The following CCDC61 variants were observed in gnomAD, a reference collection of about 807,000 sequenced individuals.
The protein encoded by CCDC61 is centrosomal protein CCDC61.
Under a neutral mutation model 63.0 loss-of-function variants are expected in CCDC61, and 55 were observed. The ratio of observed to expected loss-of-function variants is 0.87; its 90% CI spans 0.70 to 1.09. The LOEUF is 1.09. Ranked by LOEUF, CCDC61 falls within the 50% of genes least tolerant of loss-of-function variation. The pLI, the probability that CCDC61 is intolerant of heterozygous loss-of-function variation, is 0.00. For missense variants in CCDC61, 651 were observed against 731.4 expected (o/e 0.89, Z 1.27); for synonymous variants, 270 against 317.0 (o/e 0.85, Z 1.58).
intron 1 of CCDC61, among the ~76,000 whole-genome samples, chr19:45,997,614 C>T (rs1968518058): frequency 1.3e-5 from 2 of 152,114 alleles, no homozygotes; most frequent in African/African-American, 4.8e-5. Flanking sequence ...TGGTCTCAAA[C>T]TCCTGACCTC....
rs1290059928 is a variant in CCDC61, at chr19:46,015,394, C to G, written c.812C>G (p.Thr271Arg). 11 of 1,602,792 alleles carry G rather than the reference C, an allele frequency of 6.9e-6. No homozygotes were observed. The highest frequency in any genetic ancestry group is 9.3e-6 in the Non-Finnish European group (11 of 1,178,838). The change falls in exon 7 of 14, where the codon ACG (threonine) becomes AGG (arginine). Residue 271 changes from threonine (T) to arginine (R), a missense_variant. Thr to Arg is a moderately conservative substitution (Grantham distance 71). Transcript: ENST00000595358. This position sits in a 1 kb window ranked among gnomAD's most constrained non-coding sequence, Gnocchi z 5.3. ...CGGAGCCTGCGCGCCCGGCTGAAGACGCTGACCAGCGAGCTGGCATTGTAC... is the reference window on the plus strand; with the variant it reads ...CGGAGCCTGCGCGCCCGGCTGAAGAGGCTGACCAGCGAGCTGGCATTGTAC... ...SERSLRARLKTLTSELALYKR... is the reference protein window; with the variant it reads ...SERSLRARLKRLTSELALYKR...
chr19:46,009,837 T>TGCGC (rs1555810943), intron 5 of CCDC61, among the ~76,000 whole-genome samples: 7 of 151,348 alleles, frequency 4.6e-5, no homozygotes, highest in South Asian at 4.2e-4. Context: ...TGTGTGTGTG[T>TGCGC]GCGCGCGCGT....
chr19:46,003,173 G>A lies in CCDC61; in HGVS notation c.148+7G>A. 6.2e-7 allele frequency: 1 copy of A among 1,602,314 alleles called. No individual in the cohort carries two copies. Among genetic ancestry groups the A allele is most frequent in the Non-Finnish European group, 8.5e-7 (1 of 1,173,076 alleles). On this transcript the variant is annotated splice_region_variant and intron_variant, in intron 2 of 13. Transcript: ENST00000595358. Reference sequence around the variant, plus strand: ...GGCGAGTTCGATGCTGGCTGTGAGTGTGCCTGCCTGGGGTGGGCTCACCTT... The same window carrying A: ...GGCGAGTTCGATGCTGGCTGTGAGTATGCCTGCCTGGGGTGGGCTCACCTT...
intron 5 of CCDC61, among the ~76,000 whole-genome samples, chr19:46,011,124 G>C (rs142959479): frequency 1.3e-5 from 2 of 148,586 alleles, no homozygotes; most frequent in Non-Finnish European, 3.0e-5. Context: ...ATCTTGGCTC[G>C]CTGTGTCCTT....
chr19:46,004,127 A>T (rs959330952), intron 3 of CCDC61, among the ~76,000 whole-genome samples: 3 of 151,580 alleles, frequency 2.0e-5, no homozygotes, highest in Non-Finnish European at 4.4e-5. Context: ...TTTAGTAGAG[A>T]CGGGGTTTCA....
In CCDC61 at chr19:46,016,538, C is replaced by T; in HGVS notation, c.1091+145C>T. On this transcript the variant is annotated intron_variant, in intron 9 of 13. Coordinates refer to ENST00000595358, the MANE Select transcript of CCDC61 (RefSeq NM_001267723.2). The surrounding 1 kb of genome is among the most constrained non-coding windows in gnomAD (Gnocchi z 7.2). ...TACCCCGCCTGCTCTCCCTTCCGTCCGTCCTACCTCCTCGTCTGTGTTTCT... is the reference window on the plus strand; with the variant it reads ...TACCCCGCCTGCTCTCCCTTCCGTCTGTCCTACCTCCTCGTCTGTGTTTCT... 7.3e-7 allele frequency: 1 copy of T among 1,369,448 alleles called. No individual in the cohort carries two copies. The highest frequency in any genetic ancestry group is 1.0e-6 in the Non-Finnish European group (1 of 993,454). The allele number at this position is 1,369,448 out of a possible 1,614,324, so 84.8% of individuals were successfully genotyped here.
chr19:45,999,030 A>T (rs892947372), intron 1 of CCDC61, among the ~76,000 whole-genome samples: 19 of 152,178 alleles, frequency 1.2e-4, no homozygotes, highest in African/African-American at 4.3e-4. Context: ...TCATGGTGGG[A>T]TCCTAGACAA....
At chr19:46,017,203 C>T in intron 11 of CCDC61, 44 bp from the exon 12 acceptor site, 3 of 1,550,160 alleles carry the variant, frequency 1.9e-6, no homozygotes, top group Non-Finnish European at 2.6e-6. Flanking sequence ...TGGGAAGTAC[C>T]AGAGCCTCCC....
intron 5 of CCDC61, among the ~76,000 whole-genome samples, chr19:46,009,835 T>TGTGTGTGTGTGTGTGCGCGCGCGCGC (rs1568692953): frequency 6.6e-6 from 1 of 151,632 alleles, no homozygotes; most frequent in African/African-American, 2.4e-5. Flanking sequence ...TGTGTGTGTG[T>TGTGTGTGTGTGTGTGCGCGCGCGCGC]GTGCGCGCGC....
intron 5 of CCDC61, among the ~76,000 whole-genome samples, chr19:46,013,718 T>C (rs1457496512): frequency 6.6e-6 from 1 of 151,676 alleles, no homozygotes; most frequent in Non-Finnish European, 1.5e-5. Context: ...CATACAAAAA[T>C]TAGCCAGGGT....
intron 4 of CCDC61, among the ~76,000 whole-genome samples, chr19:46,007,783 A>G (rs570866030): frequency 7.5e-4 from 115 of 152,322 alleles, no homozygotes; most frequent in Non-Finnish European, 1.2e-3. Flanking sequence ...CACCCAGGCC[A>G]GGCCAACCAG....
At chr19:45,999,793 A>G (rs1968557394) in intron 1 of CCDC61, among the ~76,000 whole-genome samples, 1 of 152,090 alleles carries the variant, frequency 6.6e-6, no homozygotes, top group Admixed American at 6.6e-5. Context: ...TAAGTGTGCC[A>G]GCGCCATGAT....
At chr19:46,011,963 C>T (rs1047699079) in intron 5 of CCDC61, among the ~76,000 whole-genome samples, 1 of 152,120 alleles carries the variant, frequency 6.6e-6, no homozygotes, top group Non-Finnish European at 1.5e-5. Flanking sequence ...CCACCACACC[C>T]GGCTGATTTT....
In CCDC61 at chr19:46,006,660, G is replaced by A. The variant is rs765274527; in HGVS notation, c.333G>A (p.Ser111=). The change falls in exon 4 of 14, where the codon TCG becomes TCA. Residue 111 remains serine, a synonymous_variant. Transcript: ENST00000595358. The stretch of plus-strand genomic sequence containing the variant: ...GCCCAGGCTCCTTGGCCCCCAGGTC[G>A]GCCCAGCTCAACTCCAAGCGCTACC... ...GGRPGSLAPR[S]AQLNSKRYLI... is the part of the protein sequence containing the mutation. 57 of 1,613,742 alleles carry A rather than the reference G, an allele frequency of 3.5e-5. No individual in the cohort carries two copies. The East Asian group carries it at 8.2e-4, about 23-fold the overall frequency.
chr19:46,003,191 C>A, intron 2 of CCDC61, 25 bp downstream of exon 2: 1 of 1,585,186 alleles, frequency 6.3e-7, no homozygotes. Context: ...CTGGGGTGGG[C>A]TCACCTTTCC....
In CCDC61 at chr19:46,016,442, G is replaced by T; in HGVS notation, c.1091+49G>T. The T allele has an allele frequency of 6.3e-7, 1 of 1,591,942 alleles. No homozygotes were observed. Among genetic ancestry groups the T allele is most frequent in the South Asian group, 1.1e-5 (1 of 90,288 alleles). On this transcript the variant is annotated intron_variant, in intron 9 of 13. Transcript: ENST00000595358. This position sits in a 1 kb window ranked among gnomAD's most constrained non-coding sequence, Gnocchi z 7.2. ...CTGCCCCTGTCCCTGGCCCGTGCCCGCTCCCGGGCTCTCATCTCTCCACGC... is the reference window on the plus strand; with the variant it reads ...CTGCCCCTGTCCCTGGCCCGTGCCCTCTCCCGGGCTCTCATCTCTCCACGC...
Position 46,009,816 on chromosome 19 carries a change from A to ATGTGTGTGTGTGTGTG in CCDC61, c.551+1522_551+1537dup, listed in dbSNP as rs761965873. 7.3e-3 allele frequency among the ~76,000 whole-genome samples: 827 copies of ATGTGTGTGTGTGTGTG among 113,288 alleles called. 4 individuals are homozygous for ATGTGTGTGTGTGTGTG. The highest frequency in any genetic ancestry group is 0.013 in the Middle Eastern group (3 of 228). 74.3% of individuals were successfully genotyped at this position (113,288 alleles called of 152,430 possible). ...CTGCTCTCAGGCTGTGTGTGTGTGT[A>ATGTGTGTGTGTGTGTG]TGTGTGTGTGTGTGTGTGTGTGCGC... is the stretch of plus-strand genomic sequence containing the variant. On this transcript the variant is annotated intron_variant, in intron 5 of 13. Coordinates refer to ENST00000595358, the MANE Select transcript of CCDC61 (RefSeq NM_001267723.2).
In CCDC61 at chr19:46,015,626, T is replaced by C. The variant is rs1968917022; in HGVS notation, c.845+199T>C. Among the ~76,000 whole-genome samples the C allele has an allele frequency of 6.6e-6, 1 of 152,018 alleles. No homozygotes were observed. The highest frequency in any genetic ancestry group is 6.6e-5 in the Admixed American group (1 of 15,266). ...CAGTGGTTAGGAGGTGGACCCGGGC[T>C]GTGCGGAGATGCGCAGGCTTGGGGC... On this transcript the variant is annotated intron_variant, in intron 7 of 13. Transcript: ENST00000595358. This position sits in a 1 kb window ranked among gnomAD's most constrained non-coding sequence, Gnocchi z 5.3.
chr19:46,017,297 C>T lies in CCDC61; in HGVS notation c.1361C>T (p.Ser454Phe). The T allele has an allele frequency of 6.4e-7, 1 of 1,561,946 alleles. No homozygotes were observed. The highest frequency in any genetic ancestry group is 1.2e-5 in the South Asian group (1 of 84,678). The change falls in exon 12 of 14, where the codon TCC (serine) becomes TTC (phenylalanine). Residue 454 changes from serine (S) to phenylalanine (F), a missense_variant. By Grantham distance (155) the Ser-to-Phe change is radical. Transcript: ENST00000595358. ...CCCAGCCCAACGCCCTGGAGTGGGTCCAATATGGTGAGTAGAAGGGGCAAC... is the reference window on the plus strand; with the variant it reads ...CCCAGCCCAACGCCCTGGAGTGGGTTCAATATGGTGAGTAGAAGGGGCAAC... ...KPPSPTPWSG[S>F]NMKSPPVERS...
Sources: gnomAD v4.1 joint callset for allele counts (sites outside exome capture counted in the v4.1 genomes callset) on GRCh38, gnomAD v4.1.1 for gene constraint, Gnocchi (gnomAD v3.1) non-coding constraint, MANE v1.5 for transcripts, NCBI Gene and HGNC (gene_info 2026-07-23, HGNC 2026-07-21) for gene names.